ROBO1: variants seen among roughly 807,000 people sequenced by gnomAD.
ROBO1 encodes the protein roundabout homolog 1.
Under a neutral mutation model 195.9 loss-of-function variants are expected in ROBO1, and 149 were observed. The ratio of observed to expected loss-of-function variants is 0.76; its 90% CI spans 0.67 to 0.87. ROBO1 has a LOEUF of 0.87. Ranked by LOEUF, ROBO1 falls within the 40% of genes least tolerant of loss-of-function variation. ROBO1 has a pLI of 0.00. For synonymous variants in ROBO1, 816 were observed against 733.2 expected, an observed-to-expected ratio of 1.11 and a Z score of -1.82; for missense variants, 1,933 against 2,068.3, an observed-to-expected ratio of 0.93 and a Z score of 1.27.
intron 2 of ROBO1, among the ~76,000 whole-genome samples, chr3:79,457,155 G>A (rs2039642765): frequency 6.6e-6 from 1 of 152,042 alleles, no homozygotes; most frequent in East Asian, 1.9e-4. Flanking sequence ...TGACATTCAA[G>A]GCATACAATC....
chr3:79,758,635 G>GA (rs1308441367), intron 1 of ROBO1, among the ~76,000 whole-genome samples: 2 of 152,196 alleles, frequency 1.3e-5, no homozygotes, highest in Non-Finnish European at 2.9e-5. Context: ...TCTACAGAGA[G>GA]AAAAGAAGAA....
chr3:79,019,294 G>A (rs2078043759), intron 3 of ROBO1: 1 of 985,820 alleles, frequency 1.0e-6, no homozygotes, highest in Non-Finnish European at 1.2e-6. Flanking sequence ...CCTGGCTCGT[G>A]GAAGCTGTAA....
intron 2 of ROBO1, among the ~76,000 whole-genome samples, chr3:79,466,229 T>C (rs1937951227): frequency 6.6e-6 from 1 of 152,200 alleles, no homozygotes; most frequent in African/African-American, 2.4e-5. Flanking sequence ...TAGTGACATT[T>C]AAAATAATGT....
intron 1 of ROBO1, among the ~76,000 whole-genome samples, chr3:79,662,079 T>C (rs1356787704): frequency 6.6e-6 from 1 of 152,074 alleles, no homozygotes; most frequent in Non-Finnish European, 1.5e-5. Context: ...TCACTCATCC[T>C]GAAAGTGGCC....
At chr3:79,681,260 G>A (rs1412605741) in intron 1 of ROBO1, among the ~76,000 whole-genome samples, 1 of 151,968 alleles carries the variant, frequency 6.6e-6, no homozygotes, top group Non-Finnish European at 1.5e-5. Context: ...CCAAAGAATG[G>A]AATGGAGGAT....
chr3:78,785,800 T>A (rs1189157982), intron 4 of ROBO1, among the ~76,000 whole-genome samples: 1 of 152,184 alleles, frequency 6.6e-6, no homozygotes, highest in African/African-American at 2.4e-5. Flanking sequence ...ATTCATTTAG[T>A]TTTGTTTTGC....
intron 2 of ROBO1, among the ~76,000 whole-genome samples, chr3:79,493,889 C>T (rs1244387846): frequency 6.6e-6 from 1 of 151,994 alleles, no homozygotes; most frequent in Non-Finnish European, 1.5e-5. Flanking sequence ...AAATGCAAAA[C>T]AAATTATTAC....
chr3:79,043,696 TCAAA>T (rs2078531827), intron 3 of ROBO1, among the ~76,000 whole-genome samples: 1 of 152,114 alleles, frequency 6.6e-6, no homozygotes, highest in Admixed American at 6.6e-5. Context: ...ATTTAAGCTG[TCAAA>T]CTAAGTTGAT....
At chr3:79,360,425 T>C (rs1273699444) in intron 2 of ROBO1, among the ~76,000 whole-genome samples, 1 of 151,854 alleles carries the variant, frequency 6.6e-6, no homozygotes, top group Non-Finnish European at 1.5e-5. Context: ...ACTTTTAAAT[T>C]TTTTCTTTGT....
chr3:79,400,365 T>C (rs889839937), intron 2 of ROBO1, among the ~76,000 whole-genome samples: 4 of 152,044 alleles, frequency 2.6e-5, no homozygotes, highest in Admixed American at 2.6e-4. Context: ...TCTAATTGCA[T>C]TATTTTTGGC....
chr3:78,835,401 A>T (rs1005553396), intron 4 of ROBO1, among the ~76,000 whole-genome samples: 2 of 152,180 alleles, frequency 1.3e-5, no homozygotes, highest in Non-Finnish European at 2.9e-5. Context: ...AAGACACCTG[A>T]ACATTACATT....
chr3:79,041,475 CT>C (rs34678849), intron 3 of ROBO1, among the ~76,000 whole-genome samples: 407 of 143,298 alleles, frequency 2.8e-3, no homozygotes, highest in Admixed American at 3.2e-3. Flanking sequence ...GTTGCAGAAA[CT>C]TTTTTTTTTT....
At chr3:79,154,786 T>C (rs1346826333) in intron 2 of ROBO1, among the ~76,000 whole-genome samples, 2 of 151,818 alleles carry the variant, frequency 1.3e-5, no homozygotes, top group Non-Finnish European at 2.9e-5. Context: ...AGAAAATAAA[T>C]TTCCTTTTAG....
At chr3:79,559,619 C>A (rs1419593383) in intron 2 of ROBO1, among the ~76,000 whole-genome samples, 4 of 152,104 alleles carry the variant, frequency 2.6e-5, no homozygotes, top group Non-Finnish European at 5.9e-5. Flanking sequence ...GTACTGCAAG[C>A]TTTAACAAAT....
At chr3:78,672,113 TA>T (rs910746984) in intron 10 of ROBO1, among the ~76,000 whole-genome samples, 3 of 152,214 alleles carry the variant, frequency 2.0e-5, no homozygotes, top group African/African-American at 4.8e-5. Flanking sequence ...AGCATAATAA[TA>T]TTTTTTTCTA....
At position 79,251,253 on chromosome 3, in the gene ROBO1, G is replaced by T. The variant is rs139088309; in HGVS notation, c.89-125714C>A. ...CAAAAGCAACACATTATTATCTTCA[G>T]AGGGGAGGGATAGAGAAGGCAAGCA... On this transcript the variant is annotated intron_variant, in intron 2 of 30. Transcript: ENST00000464233. Among the ~76,000 whole-genome samples, 268 of 152,300 alleles carry T rather than the reference G, an allele frequency of 1.8e-3. 2 individuals are homozygous for T. Among genetic ancestry groups the T allele is most frequent in the African/African-American group, 6.2e-3 (257 of 41,548 alleles).
chr3:79,752,038 G>C (rs548773121), intron 1 of ROBO1, among the ~76,000 whole-genome samples: 25 of 152,180 alleles, frequency 1.6e-4, no homozygotes, highest in African/African-American at 5.1e-4. Flanking sequence ...CCTTATAGTA[G>C]GGTATTTTTA....
At chr3:78,837,731 CA>C (rs1281544789) in intron 4 of ROBO1, among the ~76,000 whole-genome samples, 1 of 148,596 alleles carries the variant, frequency 6.7e-6, no homozygotes, top group African/African-American at 2.5e-5. Context: ...TAAGTAATAC[CA>C]AAAAAAATCC....
intron 29 of ROBO1, among the ~76,000 whole-genome samples, chr3:78,605,351 G>C (rs1436956625): frequency 6.6e-6 from 1 of 152,082 alleles, no homozygotes; most frequent in Non-Finnish European, 1.5e-5. Context: ...TGGACTAGTG[G>C]TGTGTTGGAG....
Sources: gnomAD v4.1 joint callset for allele counts (sites outside exome capture counted in the v4.1 genomes callset) on GRCh38, gnomAD v4.1.1 for gene constraint, MANE v1.5 for transcripts, NCBI Gene and HGNC (gene_info 2026-07-23, HGNC 2026-07-21) for gene names.